TMEM201: variants seen among roughly 807,000 people sequenced by gnomAD.
TMEM201 encodes transmembrane protein 201.
TMEM201 carries 26 observed loss-of-function variants against 63.4 expected under a neutral mutation model. That is an observed-to-expected ratio of 0.41 (90% CI 0.30 to 0.57). The LOEUF (loss-of-function observed/expected upper bound fraction) is 0.57, where lower values mean the gene tolerates loss of function less well. Among genes scored for constraint, TMEM201 ranks in the 20% least tolerant of loss-of-function variants. TMEM201 has a pLI of 0.29. For synonymous variants in TMEM201, 417 were observed against 421.6 expected, an observed-to-expected ratio of 0.99 and a Z score of 0.14; for missense variants, 794 against 917.7, an observed-to-expected ratio of 0.87 and a Z score of 1.74.
At chr1:9,593,866 G>C (rs1643964206) in intron 1 of TMEM201, among the ~76,000 whole-genome samples, 2 of 152,202 alleles carry the variant, frequency 1.3e-5, no homozygotes, top group Admixed American at 6.5e-5. Flanking sequence ...TCACCCATCA[G>C]GACACGCCCC....
chr1:9,611,698 C>G (rs1364813231), intron 9 of TMEM201, 55 bp from the exon 10 acceptor site: 2 of 1,549,452 alleles, frequency 1.3e-6, no homozygotes, highest in Non-Finnish European at 1.7e-6. Context: ...TGCCCCGCGT[C>G]TGTCCCTGGA....
rs560991599 is a variant in TMEM201 at position 9,603,846 on chromosome 1, A to C, written c.1160+1574A>C. On this transcript the variant is annotated intron_variant, in intron 6 of 10. Coordinates refer to ENST00000340381, the MANE Select transcript of TMEM201 (RefSeq NM_001130924.3). The surrounding 1 kb of genome is among the most constrained non-coding windows in gnomAD (Gnocchi z 4.5). ...TGTGCCCGATGACCTGCGTGGCTTCAGACAAGGCCCCAGCGTTACTGGGCT... is the reference window on the plus strand; with the variant it reads ...TGTGCCCGATGACCTGCGTGGCTTCCGACAAGGCCCCAGCGTTACTGGGCT... 500 of 985,456 alleles carry C rather than the reference A, an allele frequency of 5.1e-4. No homozygotes were observed. The highest frequency in any genetic ancestry group is 5.7e-4 in the Non-Finnish European group (475 of 829,946). 61.0% of individuals were successfully genotyped at this position (985,456 alleles called of 1,614,324 possible).
At chr1:9,602,373 A>G in intron 6 of TMEM201, 101 bp downstream of exon 6, 2 of 1,512,358 alleles carry the variant, frequency 1.3e-6, no homozygotes, top group East Asian at 2.5e-5. Flanking sequence ...GCCTCTTTTC[A>G]CCTGCTCACG....
chr1:9,598,333 C>T, intron 3 of TMEM201, 116 bp from the exon 4 acceptor site: 1 of 1,270,898 alleles, frequency 7.9e-7, no homozygotes, highest in South Asian at 1.4e-5. Flanking sequence ...GGTTGACTTG[C>T]CCCCGGTCAT....
At chr1:9,593,686 C>G (rs1337166588) in intron 1 of TMEM201, among the ~76,000 whole-genome samples, 1 of 152,208 alleles carries the variant, frequency 6.6e-6, no homozygotes, top group African/African-American at 2.4e-5. Flanking sequence ...AGCCACAGCC[C>G]CTGCTCAGCT....
Position 9,614,779 on chromosome 1 carries a change from G to A in TMEM201, c.*1696G>A, listed in dbSNP as rs570133563. 3.3e-5 allele frequency: 5 copies of A among 152,346 alleles called. No homozygotes were observed. Among genetic ancestry groups the A allele is most frequent in the African/African-American group, 1.2e-4 (5 of 41,578 alleles). 9.4% of individuals were successfully genotyped at this position (152,346 alleles called of 1,614,324 possible). A position where few individuals can be genotyped will look rare whatever the true frequency, so the allele number is the denominator to read the frequency against. On this transcript the variant is annotated 3_prime_UTR_variant, in exon 11 of 11. Transcript: ENST00000340381. ...CAGAGCCAGGGAACAGGCCCAGCGG[G>A]AGGGGGTTTTATGTTTTGTTTCAAA...
At position 9,601,314 on chromosome 1, in the gene TMEM201, G is replaced by A; in HGVS notation, c.816G>A (p.Arg272=). 2 of 1,609,482 alleles carry A rather than the reference G, an allele frequency of 1.2e-6. No homozygotes were observed. The highest frequency in any genetic ancestry group is 1.3e-5 in the African/African-American group (1 of 75,068). The part of the protein sequence containing the change: ...NGTTPGAEGW[R]QLLGLLPEHM... ...CCACCCCTGGGGCCGAGGGCTGGCGGCAGTTGCTGGGCCTACTCCCCGAGC... is the reference window on the plus strand; with the variant it reads ...CCACCCCTGGGGCCGAGGGCTGGCGACAGTTGCTGGGCCTACTCCCCGAGC... Residue 272 remains arginine (R), a synonymous_variant, in exon 5 of 11, where the codon CGG becomes CGA. Coordinates refer to ENST00000340381, the MANE Select transcript of TMEM201 (RefSeq NM_001130924.3).
At chr1:9,609,386 G>A (rs1262591161) in intron 7 of TMEM201, among the ~76,000 whole-genome samples, 5 of 152,238 alleles carry the variant, frequency 3.3e-5, no homozygotes, top group African/African-American at 1.2e-4. Context: ...CGTGGTTGGT[G>A]ATCCCTGGGA....
chr1:9,605,151 A>G lies in TMEM201; in HGVS notation c.1161-2406A>G, dbSNP rs757244530. ...GCTGGATCATATTTTTTCCGTCTCA[A>G]TAAACTGTTGCTTAAAACGTGGTCT... On this transcript the variant is annotated intron_variant, in intron 6 of 10. Coordinates refer to ENST00000340381, the MANE Select transcript of TMEM201 (RefSeq NM_001130924.3). The surrounding 1 kb of genome is among the most constrained non-coding windows in gnomAD (Gnocchi z 5.7). Among the ~76,000 whole-genome samples, 2 of 152,164 alleles carry G rather than the reference A, an allele frequency of 1.3e-5. No individual in the cohort carries two copies. Among genetic ancestry groups the G allele is most frequent in the Non-Finnish European group, 2.9e-5 (2 of 68,030 alleles).
intron 4 of TMEM201, among the ~76,000 whole-genome samples, chr1:9,600,333 G>A (rs899512950): frequency 6.6e-5 from 10 of 152,110 alleles, no homozygotes; most frequent in African/African-American, 1.2e-4. Context: ...GGCTTTCTAC[G>A]TGGCCCTGTG....
At chr1:9,602,693 C>T in intron 6 of TMEM201, 1 of 1,093,932 alleles carries the variant, frequency 9.1e-7, no homozygotes, top group Non-Finnish European at 1.1e-6. Flanking sequence ...GTCTTCCCTT[C>T]TGGCCTCTGC....
rs758476211 is a variant in TMEM201 at position 9,601,484 on chromosome 1, C to T, written c.956+30C>T. The T allele has an allele frequency of 1.6e-5, 25 of 1,550,640 alleles. 1 individual carries two copies. The highest frequency in any genetic ancestry group is 3.6e-5 in the South Asian group (3 of 83,672). On this transcript the variant is annotated intron_variant, in intron 5 of 10. Coordinates refer to ENST00000340381, the MANE Select transcript of TMEM201 (RefSeq NM_001130924.3). ...GCATGGGGCCAGGGCCAGGAGTTGG[C>T]GGGCAGGGGACTGTGTGCTGGATTA...
At chr1:9,589,684 C>A (rs1197887216) in intron 1 of TMEM201, among the ~76,000 whole-genome samples, 1 of 152,238 alleles carries the variant, frequency 6.6e-6, no homozygotes, top group East Asian at 1.9e-4. Context: ...CCATGCGGGC[C>A]CCCGGGTTCA....
chr1:9,602,032 G>C (rs748217365), intron 5 of TMEM201, 37 bp from the exon 6 acceptor site: 2 of 1,594,276 alleles, frequency 1.3e-6, no homozygotes, highest in Non-Finnish European at 1.7e-6. Context: ...AGGAGGTCTT[G>C]TCCTCCCCTG....
Position 9,613,367 on chromosome 1 carries a change from G to A in TMEM201, c.*284G>A, listed in dbSNP as rs1013348542. On this transcript the variant is annotated 3_prime_UTR_variant, in exon 11 of 11. Transcript: ENST00000340381. Reference sequence around the variant, plus strand: ...TCCCGAAGCCAGGGAGCCCCAAGGGGCTGCATGACCCTGGGGTGCCCCACA... The same window carrying A: ...TCCCGAAGCCAGGGAGCCCCAAGGGACTGCATGACCCTGGGGTGCCCCACA... 7.7e-6 allele frequency: 4 copies of A among 521,704 alleles called. No individual in the cohort carries two copies. Among genetic ancestry groups the A allele is most frequent in the African/African-American group, 1.9e-5 (1 of 52,366 alleles). 32.3% of individuals were successfully genotyped at this position (521,704 alleles called of 1,614,324 possible). A position where few individuals can be genotyped will look rare whatever the true frequency, so the allele number is the denominator to read the frequency against.
chr1:9,598,771 T>G, intron 4 of TMEM201, 146 bp downstream of exon 4: 3 of 851,382 alleles, frequency 3.5e-6, no homozygotes, highest in Non-Finnish European at 5.1e-6. Context: ...ATTTTTGAGA[T>G]AAAGTTTTGC....
chr1:9,612,875 C>A, intron 10 of TMEM201, 111 bp from the exon 11 acceptor site: 1 of 906,722 alleles, frequency 1.1e-6, no homozygotes, highest in Non-Finnish European at 1.7e-6. Context: ...TCAGAGAGTA[C>A]CCTGGGCAGA....
intron 10 of TMEM201, 32 bp downstream of exon 10, chr1:9,611,922 G>A: frequency 6.6e-7 from 1 of 1,512,668 alleles, no homozygotes; most frequent in Non-Finnish European, 8.8e-7. Context: ...AGGGGAGGGG[G>A]TGGGCACACA....
At position 9,596,926 on chromosome 1, in the gene TMEM201, C is replaced by T. The variant is rs990587978; in HGVS notation, c.302C>T (p.Ala101Val). 8.1e-6 allele frequency: 13 copies of T among 1,612,532 alleles called. No individual in the cohort carries two copies. Among genetic ancestry groups the T allele is most frequent in the East Asian group, 2.2e-5 (1 of 44,858 alleles). The change falls in exon 3 of 11, where the codon GCG becomes GTG. Residue 101 changes from alanine (A) to valine (V), a missense_variant. Ala to Val is a moderately conservative substitution (Grantham distance 64). Coordinates refer to ENST00000340381, the MANE Select transcript of TMEM201 (RefSeq NM_001130924.3). The part of the protein sequence containing the change: ...LEHLNHVVSS[A>V]PSLRDPSQPQ... ...CACCTGAACCACGTGGTGAGCAGCGCGCCCAGCCTGCGCGACCCTTCGCAG... is the reference window on the plus strand; with the variant it reads ...CACCTGAACCACGTGGTGAGCAGCGTGCCCAGCCTGCGCGACCCTTCGCAG...
Sources: allele counts gnomAD v4.1 joint callset (sites outside exome capture counted in the v4.1 genomes callset), GRCh38; gene constraint gnomAD v4.1.1; non-coding constraint Gnocchi (gnomAD v3.1); transcripts MANE v1.5; gene names NCBI Gene and HGNC (gene_info 2026-07-23, HGNC 2026-07-21).